Variants in EPHB1 observed in about 807,000 individuals in gnomAD.
EPHB1 encodes ephrin type-B receptor 1.
In EPHB1, 30 loss-of-function variants were observed where a neutral mutation model predicts 94.4. The observed-to-expected ratio is 0.32, with a 90% CI of 0.24 to 0.43. EPHB1 has a LOEUF of 0.43. Among genes scored for constraint, EPHB1 ranks in the 20% least tolerant of loss-of-function variants. The probability of loss-of-function intolerance (pLI) is 1.00; values close to 1 mark genes in which losing one functional copy is unlikely to be tolerated. For missense variants in EPHB1, 1,055 were observed against 1,308.3 expected (o/e 0.81, Z 2.99); for synonymous variants, 522 against 489.1 (o/e 1.07, Z -0.89).
At position 134,951,979 on chromosome 3, in the gene EPHB1, G is replaced by A. The variant is rs1348229987; in HGVS notation, c.732G>A (p.Gly244=). The part of the protein sequence containing the change: ...VPIKLYCNGD[G]EWMVPIGRCT... ...TCAAACTCTACTGCAACGGGGATGG[G>A]GAATGGATGGTGCCTATTGGGCGAT... Residue 244 remains glycine (G), a synonymous_variant, in exon 3 of 16, where the codon GGG becomes GGA. Coordinates refer to ENST00000398015, the MANE Select transcript of EPHB1 (RefSeq NM_004441.5). This position sits in a 1 kb window ranked among gnomAD's most constrained non-coding sequence, Gnocchi z 4.5. The A allele has an allele frequency of 6.2e-7, 1 of 1,614,022 alleles. No individual in the cohort carries two copies. The highest frequency in any genetic ancestry group is 1.1e-5 in the South Asian group (1 of 91,092).
rs144668190 is a variant in EPHB1 at position 134,883,102 on chromosome 3, G to A, written c.59-42714G>A. On this transcript the variant is annotated intron_variant, in intron 1 of 15. Coordinates refer to ENST00000398015, the MANE Select transcript of EPHB1 (RefSeq NM_004441.5). ...CTCCCAAAGCACTGGGATTACAGGCGTGAGCCACCATGCCCAGCTTTGCAA... is the reference window on the plus strand; with the variant it reads ...CTCCCAAAGCACTGGGATTACAGGCATGAGCCACCATGCCCAGCTTTGCAA... Among the ~76,000 whole-genome samples, 12 of 152,234 alleles carry A rather than the reference G, an allele frequency of 7.9e-5. No homozygotes were observed. The East Asian group carries it at 1.4e-3, about 17-fold the overall frequency.
At chr3:135,162,307 A>C in intron 7 of EPHB1, 127 bp downstream of exon 7, 2 of 1,110,566 alleles carry the variant, frequency 1.8e-6, no homozygotes, top group Non-Finnish European at 2.5e-6. Context: ...TTCCCTTCAA[A>C]CGGTTTGCCT....
intron 9 of EPHB1, among the ~76,000 whole-genome samples, chr3:135,168,127 G>A (rs982323081): frequency 1.3e-5 from 2 of 152,232 alleles, no homozygotes; most frequent in Non-Finnish European, 2.9e-5. Context: ...GCTGTACAAA[G>A]GGCACTTCAT....
intron 5 of EPHB1, among the ~76,000 whole-genome samples, chr3:135,148,838 C>A (rs7649731): frequency 0.011 from 1,654 of 152,346 alleles, 25 homozygotes; most frequent in African/African-American, 0.038. Flanking sequence ...CATCCCAGAG[C>A]CCCTTGACCA....
At chr3:134,807,524 T>C (rs115507029) in intron 1 of EPHB1, among the ~76,000 whole-genome samples, 5,332 of 130,362 alleles carry the variant, frequency 0.041, 176 homozygotes, top group South Asian at 0.21. Flanking sequence ...TGTGTGTGTG[T>C]GCACGTGTGT....
chr3:134,812,483 G>A (rs1033692970), intron 1 of EPHB1, among the ~76,000 whole-genome samples: 5 of 152,198 alleles, frequency 3.3e-5, no homozygotes, highest in African/African-American at 1.2e-4. Flanking sequence ...CCATTGCATA[G>A]ATATCTCACA....
chr3:135,256,160 G>A (rs1277308214), intron 15 of EPHB1, among the ~76,000 whole-genome samples: 2 of 152,132 alleles, frequency 1.3e-5, no homozygotes, highest in Non-Finnish European at 2.9e-5. Context: ...GATGGGTCTT[G>A]ACTCTTTATC....
At chr3:135,016,200 A>G (rs2107751580) in intron 3 of EPHB1, among the ~76,000 whole-genome samples, 1 of 152,368 alleles carries the variant, frequency 6.6e-6, no homozygotes, top group East Asian at 1.9e-4. Flanking sequence ...AGAATACTAA[A>G]GAAGCAAGGT....
intron 3 of EPHB1, among the ~76,000 whole-genome samples, chr3:135,029,175 C>CTATT (rs1936315661): frequency 3.7e-5 from 1 of 27,144 alleles, no homozygotes; most frequent in African/African-American, 6.3e-5. Flanking sequence ...TTGACTCTTG[C>CTATT]CAATTTGCCA....
At chr3:134,949,803 G>A (rs548332545) in intron 2 of EPHB1, among the ~76,000 whole-genome samples, 2 of 152,070 alleles carry the variant, frequency 1.3e-5, no homozygotes, top group Admixed American at 6.6e-5. Flanking sequence ...CTTGAGACCA[G>A]GATCTGGAGA....
In EPHB1 at chr3:135,010,179, A is replaced by G. The variant is rs372038693; in HGVS notation, c.805+58127A>G. Among the ~76,000 whole-genome samples, 19 of 152,362 alleles carry G rather than the reference A, an allele frequency of 1.2e-4. No individual in the cohort carries two copies. In the South Asian group the frequency reaches 3.7e-3, roughly 30 times the overall value. On this transcript the variant is annotated intron_variant, in intron 3 of 15. Transcript: ENST00000398015. Reference sequence around the variant, plus strand: ...CTAAAGTTCAAAAATGTTTTTCTTCATTACAAGTTATTTTAATTTCTGTAA... The same window carrying G: ...CTAAAGTTCAAAAATGTTTTTCTTCGTTACAAGTTATTTTAATTTCTGTAA...
intron 15 of EPHB1, among the ~76,000 whole-genome samples, chr3:135,255,549 A>C (rs1481396057): frequency 6.8e-6 from 1 of 147,332 alleles, no homozygotes; most frequent in Admixed American, 6.8e-5. Context: ...CTTAATCCTG[A>C]GTTCTAGTTT....
intron 6 of EPHB1, among the ~76,000 whole-genome samples, chr3:135,161,287 G>A (rs1941498293): frequency 6.6e-6 from 1 of 152,182 alleles, no homozygotes; most frequent in African/African-American, 2.4e-5. Flanking sequence ...ACAGACAGGA[G>A]AATGGGGCTC....
At chr3:134,895,321 T>A (rs181572457) in intron 1 of EPHB1, among the ~76,000 whole-genome samples, 1 of 152,192 alleles carries the variant, frequency 6.6e-6, no homozygotes, top group Non-Finnish European at 1.5e-5. Context: ...AATCTGTGAG[T>A]GTAACATTTT....
rs1197013147 is a variant in EPHB1, at chr3:134,955,071, C to CT, written c.805+3051dup. Among the ~76,000 whole-genome samples, 45 of 8,414 alleles carry CT rather than the reference C, an allele frequency of 5.3e-3. 1 individual carries two copies. Among genetic ancestry groups the CT allele is most frequent in the Non-Finnish European group, 8.3e-3 (40 of 4,796 alleles). 5.5% of individuals were successfully genotyped at this position (8,414 alleles called of 152,430 possible). ...CTAAGGCCTGTTCCTGACATCCTTT[C>CT]TTTTTTTTTTTTTTTTTTTTTTTTT... On this transcript the variant is annotated intron_variant, in intron 3 of 15. Transcript: ENST00000398015.
intron 9 of EPHB1, among the ~76,000 whole-genome samples, chr3:135,172,690 G>A (rs189681621): frequency 3.3e-5 from 5 of 152,330 alleles, no homozygotes; most frequent in Admixed American, 2.0e-4. Context: ...TCTTCTGGAG[G>A]GTAACCAGAG....
At chr3:135,039,147 A>G (rs1366986498) in intron 3 of EPHB1, among the ~76,000 whole-genome samples, 1 of 152,126 alleles carries the variant, frequency 6.6e-6, no homozygotes, top group Non-Finnish European at 1.5e-5. Context: ...ACAAAGCTTG[A>G]GCTAGATACA....
At chr3:135,090,856 G>T (rs1938526217) in intron 3 of EPHB1, among the ~76,000 whole-genome samples, 1 of 152,294 alleles carries the variant, frequency 6.6e-6, no homozygotes, top group Middle Eastern at 3.4e-3. Flanking sequence ...TTGCTTACTT[G>T]TCCCACTTGA....
At chr3:134,933,660 G>A (rs577821378) in intron 2 of EPHB1, among the ~76,000 whole-genome samples, 1 of 152,194 alleles carries the variant, frequency 6.6e-6, no homozygotes, top group Non-Finnish European at 1.5e-5. Context: ...GCACGGAGCA[G>A]CTGGTAAATT....
Sources: gnomAD v4.1 joint callset for allele counts (sites outside exome capture counted in the v4.1 genomes callset) on GRCh38, gnomAD v4.1.1 for gene constraint, Gnocchi (gnomAD v3.1) non-coding constraint, MANE v1.5 for transcripts, NCBI Gene and HGNC (gene_info 2026-07-23, HGNC 2026-07-21) for gene names.